The following FAM13A variants were observed in gnomAD, a reference collection of about 807,000 sequenced individuals.
FAM13A encodes the protein family with sequence similarity 13 member A.
Under a neutral mutation model 129.6 loss-of-function variants are expected in FAM13A, and 76 were observed. The observed-to-expected ratio is 0.59, with a 90% CI of 0.49 to 0.71. The LOEUF is 0.71. Ranked by LOEUF, FAM13A falls within the 30% of genes least tolerant of loss-of-function variation. The pLI is 0.00. For synonymous variants in FAM13A, 443 were observed against 449.9 expected (o/e 0.98, Z 0.20); for missense variants, 1,108 against 1,249.3 (o/e 0.89, Z 1.70).
intron 13 of FAM13A, among the ~76,000 whole-genome samples, chr4:88,766,340 C>T (rs1578555767): frequency 6.6e-6 from 1 of 152,202 alleles, no homozygotes; most frequent in East Asian, 1.9e-4. Context: ...ATAATGTCAG[C>T]TTGTTGCTTG....
At chr4:88,872,713 A>G (rs1227623469) in intron 6 of FAM13A, among the ~76,000 whole-genome samples, 1 of 152,186 alleles carries the variant, frequency 6.6e-6, no homozygotes, top group Non-Finnish European at 1.5e-5. Flanking sequence ...CCCACTGTCA[A>G]TATTAGACAG....
intron 3 of FAM13A, among the ~76,000 whole-genome samples, chr4:89,019,761 CAAAA>C (rs61682568): frequency 1.7e-5 from 1 of 57,818 alleles, no homozygotes; most frequent in Admixed American, 1.9e-4. Context: ...AACTACATCT[CAAAA>C]AAAAAAAAAA....
At chr4:88,821,491 T>C (rs1731900208) in intron 7 of FAM13A, among the ~76,000 whole-genome samples, 1 of 152,244 alleles carries the variant, frequency 6.6e-6, no homozygotes, top group African/African-American at 2.4e-5. Context: ...TTAATCGTTT[T>C]GATTGCCTAA....
intron 7 of FAM13A, among the ~76,000 whole-genome samples, chr4:88,813,398 G>A (rs1730056400): frequency 6.6e-6 from 1 of 152,042 alleles, no homozygotes; most frequent in Non-Finnish European, 1.5e-5. Context: ...ATACAGTAAC[G>A]TTCTTTGGGG....
chr4:88,997,817 C>T (rs10516826), intron 3 of FAM13A, among the ~76,000 whole-genome samples: 19,747 of 152,140 alleles, frequency 0.13, 1,511 homozygotes, highest in Non-Finnish European at 0.17. Context: ...AACCAAAATA[C>T]TTAGCCTCAT....
intron 22 of FAM13A, 50 bp from the exon 23 acceptor site, chr4:88,731,478 A>AT (rs1290653266): frequency 9.1e-7 from 1 of 1,103,046 alleles, no homozygotes; most frequent in African/African-American, 1.5e-5. Flanking sequence ...TTGAGTTGTC[A>AT]TAAATGTGAT....
At chr4:88,818,248 C>CCA (rs1561075773) in intron 7 of FAM13A, among the ~76,000 whole-genome samples, 1 of 152,078 alleles carries the variant, frequency 6.6e-6, no homozygotes, top group Non-Finnish European at 1.5e-5. Flanking sequence ...TGATCCCCCC[C>CCA]GGACTTGGCC....
intron 3 of FAM13A, among the ~76,000 whole-genome samples, chr4:89,002,683 T>C (rs556869184): frequency 6.6e-6 from 1 of 152,264 alleles, no homozygotes; most frequent in East Asian, 1.9e-4. Flanking sequence ...CAAAATGTTA[T>C]CCTCAGATCA....
intron 4 of FAM13A, among the ~76,000 whole-genome samples, chr4:88,989,380 T>C (rs900276720): frequency 1.3e-5 from 2 of 151,970 alleles, no homozygotes; most frequent in African/African-American, 2.4e-5. Flanking sequence ...GGCAGGTGGA[T>C]TGCTTGAGCC....
chr4:88,922,891 T>A (rs1469887512), intron 5 of FAM13A, among the ~76,000 whole-genome samples: 4 of 151,838 alleles, frequency 2.6e-5, no homozygotes, highest in South Asian at 2.1e-4. Context: ...CCACAGAAAT[T>A]CAAACTACCA....
chr4:88,864,703 G>A (rs1400550503), intron 6 of FAM13A, among the ~76,000 whole-genome samples: 7 of 152,126 alleles, frequency 4.6e-5, no homozygotes, highest in Non-Finnish European at 8.8e-5. Flanking sequence ...CACCATGCCC[G>A]GCCATTTGTG....
At chr4:88,843,578 A>C (rs956003078) in intron 7 of FAM13A, among the ~76,000 whole-genome samples, 3 of 152,232 alleles carry the variant, frequency 2.0e-5, no homozygotes, top group Non-Finnish European at 4.4e-5. Flanking sequence ...TTCAGAAATG[A>C]AGTCAGTCAT....
chr4:88,895,095 T>C (rs1746055388), intron 6 of FAM13A, among the ~76,000 whole-genome samples: 1 of 152,130 alleles, frequency 6.6e-6, no homozygotes, highest in Admixed American at 6.5e-5. Flanking sequence ...GATTATTAGA[T>C]GAGATAATAT....
chr4:88,886,867 A>ATC (rs1346868715), intron 6 of FAM13A, among the ~76,000 whole-genome samples: 1 of 151,650 alleles, frequency 6.6e-6, no homozygotes, highest in African/African-American at 2.4e-5. Flanking sequence ...AGATCATGCC[A>ATC]TTGCACTCCA....
intron 13 of FAM13A, among the ~76,000 whole-genome samples, chr4:88,760,547 T>C (rs1413019345): frequency 4.3e-5 from 1 of 23,184 alleles, no homozygotes; most frequent in African/African-American, 8.1e-5. Flanking sequence ...GAGCTTGCAG[T>C]GAGCCGAGGT....
chr4:88,739,146 C>T lies in FAM13A; in HGVS notation c.2467-21G>A, dbSNP rs753387663. 13 of 1,558,996 alleles carry T rather than the reference C, an allele frequency of 8.3e-6. No homozygotes were observed. In the East Asian group the frequency reaches 2.7e-4, roughly 32 times the overall value. Reference sequence around the variant, plus strand: ...GTTACCTGAAAAGCAAGAATGAGAGCTATGAGAAGCCTGCTGCTGGGAGTC... The same window carrying T: ...GTTACCTGAAAAGCAAGAATGAGAGTTATGAGAAGCCTGCTGCTGGGAGTC... On this transcript the variant is annotated intron_variant, in intron 19 of 23. Coordinates refer to ENST00000264344, the MANE Select transcript of FAM13A (RefSeq NM_014883.4).
chr4:88,914,776 T>C (rs1749798724), intron 5 of FAM13A, among the ~76,000 whole-genome samples: 1 of 152,240 alleles, frequency 6.6e-6, no homozygotes, highest in African/African-American at 2.4e-5. Context: ...TATTCTAGTA[T>C]TCAGTGTATA....
At chr4:89,020,705 T>C in intron 2 of FAM13A, 36 bp from the exon 3 acceptor site, 1 of 1,403,482 alleles carries the variant, frequency 7.1e-7, no homozygotes, top group Non-Finnish European at 1.0e-6. Context: ...AATAAATAGG[T>C]TTCTCACAGA....
intron 5 of FAM13A, among the ~76,000 whole-genome samples, chr4:88,930,557 T>G (rs529376262): frequency 8.5e-5 from 13 of 152,214 alleles, no homozygotes; most frequent in Non-Finnish European, 1.6e-4. Flanking sequence ...AAGCCAGTAT[T>G]TGGGCCCTGG....
Sources: gnomAD v4.1 joint callset for allele counts (sites outside exome capture counted in the v4.1 genomes callset) on GRCh38, gnomAD v4.1.1 for gene constraint, MANE v1.5 for transcripts, NCBI Gene and HGNC (gene_info 2026-07-23, HGNC 2026-07-21) for gene names.